MACROD2: variants seen among roughly 807,000 people sequenced by gnomAD.
MACROD2 encodes ADP-ribose glycohydrolase MACROD2.
In MACROD2, 36 loss-of-function variants were observed where a neutral mutation model predicts 70.4. The ratio of observed to expected loss-of-function variants is 0.51; its 90% CI spans 0.39 to 0.68. MACROD2 has a LOEUF of 0.68. MACROD2 is among the 30% of genes least tolerant of loss of function. The pLI is 0.00. For synonymous variants in MACROD2, 172 were observed against 178.8 expected (o/e 0.96, Z 0.30); for missense variants, 496 against 538.4 (o/e 0.92, Z 0.78).
chr20:14,044,663 C>A (rs933339964), intron 2 of MACROD2, among the ~76,000 whole-genome samples: 28 of 152,172 alleles, frequency 1.8e-4, no homozygotes, highest in Non-Finnish European at 3.2e-4. Flanking sequence ...TATTTACAAA[C>A]CCTGAGCTAG....
intron 4 of MACROD2, among the ~76,000 whole-genome samples, chr20:14,578,888 A>G (rs1169546679): frequency 6.6e-6 from 1 of 152,076 alleles, no homozygotes; most frequent in African/African-American, 2.4e-5. Flanking sequence ...GTGACTTTTC[A>G]GCTGTTTCTT....
chr20:15,949,313 T>A (rs2065872802), intron 12 of MACROD2, among the ~76,000 whole-genome samples: 1 of 152,322 alleles, frequency 6.6e-6, no homozygotes, highest in East Asian at 1.9e-4. Flanking sequence ...ATTACATTTA[T>A]TTGCTGGCTT....
At chr20:14,527,503 C>CAA (rs61323104) in intron 4 of MACROD2, among the ~76,000 whole-genome samples, 21 of 151,784 alleles carry the variant, frequency 1.4e-4, no homozygotes, top group South Asian at 1.3e-3. Context: ...ATTATATAGG[C>CAA]AAAAAAAACC....
chr20:14,768,358 G>C (rs1365729585), intron 5 of MACROD2, among the ~76,000 whole-genome samples: 5 of 152,062 alleles, frequency 3.3e-5, no homozygotes, highest in Admixed American at 6.5e-5. Flanking sequence ...GTTGCTGCAG[G>C]AACCCAGTGG....
At chr20:15,114,328 G>A (rs1291291255) in intron 5 of MACROD2, among the ~76,000 whole-genome samples, 1 of 152,194 alleles carries the variant, frequency 6.6e-6, no homozygotes, top group East Asian at 1.9e-4. Flanking sequence ...TCATGGGATA[G>A]TCACTCTTGA....
chr20:14,150,677 T>G (rs2055006906), intron 3 of MACROD2, among the ~76,000 whole-genome samples: 1 of 152,220 alleles, frequency 6.6e-6, no homozygotes, highest in Non-Finnish European at 1.5e-5. Flanking sequence ...TTATCTTCTT[T>G]CGGCTTTCTT....
chr20:16,045,147 C>T (rs2067362604), intron 17 of MACROD2, among the ~76,000 whole-genome samples: 1 of 152,104 alleles, frequency 6.6e-6, no homozygotes, highest in Non-Finnish European at 1.5e-5. Flanking sequence ...CGTGCGTCTG[C>T]ACAAAGGTTT....
At chr20:15,628,487 A>T (rs955316554) in intron 8 of MACROD2, among the ~76,000 whole-genome samples, 2 of 152,214 alleles carry the variant, frequency 1.3e-5, no homozygotes, top group African/African-American at 4.8e-5. Flanking sequence ...AAAACAAGGA[A>T]GTTTCAACCC....
intron 4 of MACROD2, among the ~76,000 whole-genome samples, chr20:14,676,110 C>T (rs2070857758): frequency 6.6e-6 from 1 of 152,120 alleles, no homozygotes; most frequent in African/African-American, 2.4e-5. Flanking sequence ...GAGACTTTAA[C>T]ACCCCACTGT....
intron 5 of MACROD2, among the ~76,000 whole-genome samples, chr20:15,092,140 A>C (rs1036813184): frequency 6.6e-6 from 1 of 152,110 alleles, no homozygotes; most frequent in South Asian, 2.1e-4. Flanking sequence ...TTCTTCACCA[A>C]TGTGAAAGCT....
intron 3 of MACROD2, among the ~76,000 whole-genome samples, chr20:14,288,805 G>T (rs1053540482): frequency 6.6e-6 from 1 of 152,190 alleles, no homozygotes; most frequent in Non-Finnish European, 1.5e-5. Flanking sequence ...ACATATGCCA[G>T]TCTAATCAGA....
intron 8 of MACROD2, among the ~76,000 whole-genome samples, chr20:15,594,933 CT>C (rs2048726789): frequency 1.3e-5 from 2 of 152,054 alleles, no homozygotes; most frequent in South Asian, 4.2e-4. Flanking sequence ...CTTCTTTTTC[CT>C]ATTCTGTTAT....
intron 8 of MACROD2, among the ~76,000 whole-genome samples, chr20:15,629,300 C>T (rs2049253248): frequency 6.6e-6 from 1 of 152,204 alleles, no homozygotes; most frequent in African/African-American, 2.4e-5. Context: ...TTTAGCTTTT[C>T]TGACGCGACT....
chr20:15,318,556 A>G (rs2077839441), intron 6 of MACROD2, among the ~76,000 whole-genome samples: 1 of 152,150 alleles, frequency 6.6e-6, no homozygotes, highest in Admixed American at 6.5e-5. Context: ...TTATGATTAT[A>G]GATGAAGAAA....
chr20:14,565,825 T>C (rs376291013), intron 4 of MACROD2, among the ~76,000 whole-genome samples: 1 of 151,904 alleles, frequency 6.6e-6, no homozygotes, highest in Non-Finnish European at 1.5e-5. Flanking sequence ...ATGCAGTGTA[T>C]CATCTGGGCC....
At chr20:15,483,553 T>G (rs999233984) in intron 7 of MACROD2, among the ~76,000 whole-genome samples, 2 of 152,160 alleles carry the variant, frequency 1.3e-5, no homozygotes, top group African/African-American at 4.8e-5. Flanking sequence ...CCACATAAAC[T>G]TTAGAATCAG....
intron 6 of MACROD2, among the ~76,000 whole-genome samples, chr20:15,295,192 C>T (rs761499710): frequency 1.3e-4 from 20 of 152,336 alleles, no homozygotes; most frequent in Non-Finnish European, 2.4e-4. Flanking sequence ...TGCCTTTGCT[C>T]TTCCTTCACC....
At chr20:14,848,171 T>C (rs1425267281) in intron 5 of MACROD2, among the ~76,000 whole-genome samples, 3 of 152,198 alleles carry the variant, frequency 2.0e-5, no homozygotes. Flanking sequence ...CTAATGTAGG[T>C]GAAACAATGC....
chr20:15,751,242 TTACCCCAAAG>T (rs2051264517), intron 8 of MACROD2, among the ~76,000 whole-genome samples: 1 of 151,912 alleles, frequency 6.6e-6, no homozygotes, highest in Non-Finnish European at 1.5e-5. Flanking sequence ...GTGTTAAAAT[TTACCCCAAAG>T]TTATGTATAA....
Sources: allele counts gnomAD v4.1 joint callset (sites outside exome capture counted in the v4.1 genomes callset), GRCh38; gene constraint gnomAD v4.1.1; transcripts MANE v1.5; gene names NCBI Gene and HGNC (gene_info 2026-07-23, HGNC 2026-07-21).